Variants in ROBO2 observed in about 807,000 individuals in gnomAD.
ROBO2 encodes roundabout homolog 2.
Under a neutral mutation model 160.8 loss-of-function variants are expected in ROBO2, and 53 were observed. The observed-to-expected ratio is 0.33, with a 90% CI of 0.26 to 0.41. ROBO2 has a LOEUF of 0.41. ROBO2 is among the 10% of genes least tolerant of loss of function. ROBO2 has a pLI of 1.00. For missense variants in ROBO2, 1,577 were observed against 1,722.4 expected, an observed-to-expected ratio of 0.92 and a Z score of 1.49; for synonymous variants, 664 against 611.7, an observed-to-expected ratio of 1.09 and a Z score of -1.26.
intron 24 of ROBO2, among the ~76,000 whole-genome samples, chr3:77,644,156 TGTGA>T (rs1156461312): frequency 6.6e-6 from 1 of 152,158 alleles, no homozygotes; most frequent in African/African-American, 2.4e-5. Flanking sequence ...TATTTAAATG[TGTGA>T]GTTTCTCTTT....
At chr3:76,712,678 A>G (rs987270360) in intron 2 of ROBO2, among the ~76,000 whole-genome samples, 1 of 151,850 alleles carries the variant, frequency 6.6e-6, no homozygotes, top group African/African-American at 2.4e-5. Flanking sequence ...CCGTCTCAAA[A>G]AAAAAATAAT....
chr3:76,706,795 T>G (rs1213919310), intron 2 of ROBO2, among the ~76,000 whole-genome samples: 1 of 152,086 alleles, frequency 6.6e-6, no homozygotes, highest in Non-Finnish European at 1.5e-5. Flanking sequence ...ATATTGGAAT[T>G]GTGTAAGTAA....
intron 2 of ROBO2, among the ~76,000 whole-genome samples, chr3:76,582,289 G>C (rs2085750996): frequency 6.6e-6 from 1 of 152,104 alleles, no homozygotes; most frequent in Non-Finnish European, 1.5e-5. Context: ...TTTATTTATA[G>C]TAATGACATT....
At chr3:75,924,731 C>T (rs1405340396) in intron 1 of ROBO2, among the ~76,000 whole-genome samples, 2 of 117,078 alleles carry the variant, frequency 1.7e-5, no homozygotes, top group Non-Finnish European at 3.2e-5. Context: ...CTCTGTGGCT[C>T]AGGCTGGAGT....
chr3:77,187,805 A>G (rs976619297), intron 2 of ROBO2, among the ~76,000 whole-genome samples: 5 of 151,964 alleles, frequency 3.3e-5, no homozygotes, highest in East Asian at 3.8e-4. Context: ...GTATAGAAGT[A>G]TAATTAGTAT....
chr3:77,546,711 A>T (rs974004974), intron 7 of ROBO2, among the ~76,000 whole-genome samples: 2 of 152,116 alleles, frequency 1.3e-5, no homozygotes, highest in African/African-American at 4.8e-5. Flanking sequence ...TAACAAAATT[A>T]TCGTTAAAAG....
At chr3:76,437,765 A>C (rs2076751880) in intron 2 of ROBO2, among the ~76,000 whole-genome samples, 1 of 152,138 alleles carries the variant, frequency 6.6e-6, no homozygotes, top group African/African-American at 2.4e-5. Flanking sequence ...CAAAGAAAAA[A>C]GGTGATATTG....
Position 77,492,299 on chromosome 3 carries a change from A to G in ROBO2, c.668-945A>G, listed in dbSNP as rs554513573. Among the ~76,000 whole-genome samples, 707 of 152,330 alleles carry G rather than the reference A, an allele frequency of 4.6e-3. 8 individuals are homozygous for G. Among genetic ancestry groups the G allele is most frequent in the Non-Finnish European group, 7.7e-3 (521 of 68,012 alleles). ...TTTTCCAGTCTCAGACCATTATCCA[A>G]AAGGGAAGAAACTGGACAAGGAATG... On this transcript the variant is annotated intron_variant, in intron 4 of 25. Transcript: ENST00000461745.
intron 2 of ROBO2, among the ~76,000 whole-genome samples, chr3:76,393,306 T>A (rs929364328): frequency 1.3e-5 from 2 of 152,144 alleles, no homozygotes; most frequent in African/African-American, 4.8e-5. Context: ...ACTATGGAAG[T>A]ATCTCTACCT....
At position 75,945,857 on chromosome 3, in the gene ROBO2, C is replaced by G. The variant is rs544687456; in HGVS notation, c.109+8255C>G. Among the ~76,000 whole-genome samples, 10 of 132,602 alleles carry G rather than the reference C, an allele frequency of 7.5e-5. No individual in the cohort carries two copies. In the East Asian group the frequency reaches 2.2e-3, roughly 29 times the overall value. The allele number at this position is 132,602 out of a possible 152,430, so 87.0% of individuals were successfully genotyped here. A position where few individuals can be genotyped will look rare whatever the true frequency, so the allele number is the denominator to read the frequency against. On this transcript the variant is annotated intron_variant, in intron 2 of 26. Coordinates refer to the ROBO2 transcript ENST00000487694. ...GATAAAGCTACTTTCAAATGATTAT[C>G]ACATCCATTGATGTCATATTAAGTT...
chr3:77,308,665 C>T (rs928592262), intron 2 of ROBO2, among the ~76,000 whole-genome samples: 6 of 152,154 alleles, frequency 3.9e-5, no homozygotes, highest in African/African-American at 1.4e-4. Context: ...CGCCACTTAT[C>T]ATCTTCAGTG....
intron 2 of ROBO2, among the ~76,000 whole-genome samples, chr3:77,370,705 A>G (rs1176413429): frequency 6.6e-6 from 1 of 152,228 alleles, no homozygotes; most frequent in Non-Finnish European, 1.5e-5. Context: ...TAAAACTTTA[A>G]AGAAGAATAA....
chr3:76,329,175 A>G lies in ROBO2; in HGVS notation c.109+391573A>G, dbSNP rs188911789. 1.8e-3 allele frequency among the ~76,000 whole-genome samples: 276 copies of G among 152,162 alleles called. 3 individuals are homozygous for G. Among genetic ancestry groups the G allele is most frequent in the South Asian group, 7.3e-3 (35 of 4,822 alleles). On this transcript the variant is annotated intron_variant, in intron 2 of 26. Transcript: ENST00000487694. ...CCCCACGGAGAGACACGACAAGGTC[A>G]GGCGGCGCTACTCCTGCCGCAGTGA...
chr3:76,104,814 C>T (rs149022407), intron 2 of ROBO2, among the ~76,000 whole-genome samples: 84 of 152,252 alleles, frequency 5.5e-4, no homozygotes, highest in African/African-American at 1.9e-3. Flanking sequence ...TGTTTTAGAG[C>T]AGTGACTTAA....
At chr3:76,476,745 T>C (rs981112796) in intron 2 of ROBO2, among the ~76,000 whole-genome samples, 1 of 152,098 alleles carries the variant, frequency 6.6e-6, no homozygotes, top group African/African-American at 2.4e-5. Flanking sequence ...TAAAATAAAC[T>C]TCGGAAATGA....
At chr3:76,886,219 C>T (rs541553505) in intron 2 of ROBO2, among the ~76,000 whole-genome samples, 1 of 150,476 alleles carries the variant, frequency 6.6e-6, no homozygotes, top group South Asian at 2.1e-4. Context: ...TCTTGAGATT[C>T]TACGCCTTTT....
At chr3:76,285,635 AG>A (rs1241784553) in intron 2 of ROBO2, among the ~76,000 whole-genome samples, 1 of 152,178 alleles carries the variant, frequency 6.6e-6, no homozygotes, top group Non-Finnish European at 1.5e-5. Context: ...CATGAAAATA[AG>A]AGACTACCTT....
At chr3:76,245,786 TTGCTC>T (rs1318886753) in intron 2 of ROBO2, among the ~76,000 whole-genome samples, 1 of 152,164 alleles carries the variant, frequency 6.6e-6, no homozygotes, top group Non-Finnish European at 1.5e-5. Context: ...AATATTTACT[TTGCTC>T]TGCTGAATGA....
chr3:77,303,511 C>T (rs2062828549), intron 2 of ROBO2, among the ~76,000 whole-genome samples: 1 of 152,220 alleles, frequency 6.6e-6, no homozygotes, highest in Admixed American at 6.5e-5. Context: ...ATATTAAGAG[C>T]ATCTACTGTG....
Sources: allele counts gnomAD v4.1 joint callset (sites outside exome capture counted in the v4.1 genomes callset), GRCh38; gene constraint gnomAD v4.1.1; transcripts MANE v1.5; gene names NCBI Gene and HGNC (gene_info 2026-07-23, HGNC 2026-07-21).